The following RASA1 variants were observed in gnomAD, a reference collection of about 807,000 sequenced individuals.
RASA1 encodes the protein ras GTPase-activating protein 1.
Under a neutral mutation model 132.2 loss-of-function variants are expected in RASA1, and 25 were observed. The observed-to-expected ratio is 0.19, with a 90% CI of 0.14 to 0.26. The LOEUF is 0.26. RASA1 is among the 10% of genes least tolerant of loss of function. RASA1 has a pLI of 1.00. For synonymous variants in RASA1, 477 were observed against 449.9 expected (o/e 1.06, Z -0.76); for missense variants, 964 against 1,299.2 (o/e 0.74, Z 3.97).
At chr5:87,353,093 C>CTTGGCAAG in intron 8 of RASA1, 64 bp from the exon 9 acceptor site, 1 of 1,307,302 alleles carries the variant, frequency 7.6e-7, no homozygotes, top group East Asian at 2.4e-5. Flanking sequence ...AAAGTTTACA[C>CTTGGCAAG]ATATTTTTAA....
intron 5 of RASA1, among the ~76,000 whole-genome samples, chr5:87,340,384 G>T (rs1477743063): frequency 6.6e-6 from 1 of 151,746 alleles, no homozygotes; most frequent in Admixed American, 6.6e-5. Flanking sequence ...CTCCTTTTGG[G>T]CAGTGACACA....
intron 1 of RASA1, among the ~76,000 whole-genome samples, chr5:87,305,679 A>C (rs1444999077): frequency 6.6e-6 from 1 of 152,258 alleles, no homozygotes; most frequent in African/African-American, 2.4e-5. Context: ...AAAAGTAACT[A>C]TCAACAGAGT....
chr5:87,270,532 G>T (rs918742199), intron 1 of RASA1, among the ~76,000 whole-genome samples: 4 of 150,394 alleles, frequency 2.7e-5, no homozygotes, highest in Admixed American at 6.6e-5. Context: ...ATTTTTAATA[G>T]AGACGAAATT....
chr5:87,318,763 A>ATC (rs1466225538), intron 1 of RASA1: 1 of 152,000 alleles, frequency 6.6e-6, no homozygotes, highest in Non-Finnish European at 1.5e-5. Flanking sequence ...CCTCTCCCAA[A>ATC]TCTCATATTA....
chr5:87,343,884 C>A (rs911938121), intron 6 of RASA1, among the ~76,000 whole-genome samples: 6 of 152,070 alleles, frequency 3.9e-5, no homozygotes, highest in African/African-American at 1.4e-4. Context: ...ACTATTCAGC[C>A]ATAAACAAGA....
At chr5:87,316,952 G>A (rs187744166) in intron 1 of RASA1, among the ~76,000 whole-genome samples, 20 of 151,478 alleles carry the variant, frequency 1.3e-4, no homozygotes, top group Admixed American at 5.9e-4. Context: ...GCGAAATCTC[G>A]GCTTACTGCA....
At chr5:87,272,779 C>T (rs1192188127) in intron 1 of RASA1, among the ~76,000 whole-genome samples, 1 of 152,072 alleles carries the variant, frequency 6.6e-6, no homozygotes, top group African/African-American at 2.4e-5. Flanking sequence ...TTTATTTTAA[C>T]TTTATAAGGG....
At chr5:87,311,003 T>C (rs1171505646) in intron 1 of RASA1, among the ~76,000 whole-genome samples, 1 of 152,330 alleles carries the variant, frequency 6.6e-6, no homozygotes, top group South Asian at 2.1e-4. Flanking sequence ...TTTTATTAAG[T>C]TGCAGTCCTT....
intron 1 of RASA1, among the ~76,000 whole-genome samples, chr5:87,318,242 T>C (rs1299167292): frequency 6.6e-6 from 1 of 152,168 alleles, no homozygotes; most frequent in African/African-American, 2.4e-5. Flanking sequence ...CTATAGGGTA[T>C]ATAAAAATCA....
intron 9 of RASA1, among the ~76,000 whole-genome samples, chr5:87,358,393 A>G (rs960817077): frequency 6.6e-6 from 1 of 152,226 alleles, no homozygotes; most frequent in Non-Finnish European, 1.5e-5. Flanking sequence ...CCTATTTCAA[A>G]GATAAGGCAA....
chr5:87,291,767 A>G (rs1038325382), intron 1 of RASA1, among the ~76,000 whole-genome samples: 9 of 152,140 alleles, frequency 5.9e-5, no homozygotes, highest in Non-Finnish European at 1.3e-4. Context: ...TTTGCCTTCC[A>G]CCATGAGTAA....
chr5:87,275,958 G>A lies in RASA1; in HGVS notation c.539+6968G>A, dbSNP rs117749796. On this transcript the variant is annotated intron_variant, in intron 1 of 24. Coordinates refer to ENST00000274376, the MANE Select transcript of RASA1 (RefSeq NM_002890.3). ...GTGCCGGTATTTATCAAGCTTCTGT[G>A]TTCCTCATCCTTGCTAATGTTCCAA... Among the ~76,000 whole-genome samples, 30 of 152,194 alleles carry A rather than the reference G, an allele frequency of 2.0e-4. No individual in the cohort carries two copies. The East Asian group carries it at 5.6e-3, about 28-fold the overall frequency.
chr5:87,313,241 T>A (rs1023405355), intron 1 of RASA1, among the ~76,000 whole-genome samples: 1 of 152,178 alleles, frequency 6.6e-6, no homozygotes, highest in Admixed American at 6.5e-5. Context: ...TGGGCACAGG[T>A]GGTCTTTAGC....
At chr5:87,336,768 G>C (rs763186257) in intron 4 of RASA1, among the ~76,000 whole-genome samples, 3 of 151,990 alleles carry the variant, frequency 2.0e-5, no homozygotes, top group Non-Finnish European at 4.4e-5. Context: ...GCTTATTTAG[G>C]TGGTTCTAGA....
chr5:87,378,208 G>C (rs1761452769), intron 17 of RASA1, among the ~76,000 whole-genome samples, 188 bp from the exon 18 acceptor site: 1 of 152,148 alleles, frequency 6.6e-6, no homozygotes, highest in African/African-American at 2.4e-5. Context: ...TAATACATAT[G>C]AAAGTCTTAC....
chr5:87,314,026 A>G (rs1411032064), intron 1 of RASA1, among the ~76,000 whole-genome samples: 1 of 151,528 alleles, frequency 6.6e-6, no homozygotes, highest in Non-Finnish European at 1.5e-5. Flanking sequence ...AAAATGAGCC[A>G]GGCGTGGTGG....
chr5:87,278,088 G>GT (rs1360601599), intron 1 of RASA1, among the ~76,000 whole-genome samples: 1 of 152,176 alleles, frequency 6.6e-6, no homozygotes, highest in South Asian at 2.1e-4. Flanking sequence ...TCTTTTAAGT[G>GT]TTTTTTGTAG....
intron 1 of RASA1, among the ~76,000 whole-genome samples, chr5:87,292,880 A>G (rs1754968449): frequency 6.6e-6 from 1 of 152,034 alleles, no homozygotes; most frequent in Non-Finnish European, 1.5e-5. Flanking sequence ...AATTATACCT[A>G]AGTATTTCAT....
chr5:87,288,252 G>GT (rs1754766025), intron 1 of RASA1, among the ~76,000 whole-genome samples: 1 of 150,626 alleles, frequency 6.6e-6, no homozygotes, highest in African/African-American at 2.4e-5. Context: ...GTTGGGACAC[G>GT]TTTCTCCCTA....
Sources: gnomAD v4.1 joint callset for allele counts (sites outside exome capture counted in the v4.1 genomes callset) on GRCh38, gnomAD v4.1.1 for gene constraint, MANE v1.5 for transcripts, NCBI Gene and HGNC (gene_info 2026-07-23, HGNC 2026-07-21) for gene names.